The following OAS2 variants were observed in gnomAD, a reference collection of about 807,000 sequenced individuals.
OAS2 encodes the protein 2'-5'-oligoadenylate synthase 2.
Under a neutral mutation model 71.3 loss-of-function variants are expected in OAS2, and 67 were observed. The ratio of observed to expected loss-of-function variants is 0.94; its 90% CI spans 0.77 to 1.15. The LOEUF is 1.15. OAS2 is among the 50% of genes most tolerant of loss of function. The probability of loss-of-function intolerance (pLI) is 0.00; values close to 1 mark genes in which losing one functional copy is unlikely to be tolerated. For missense variants in OAS2, 789 were observed against 822.5 expected (o/e 0.96, Z 0.50); for synonymous variants, 327 against 321.8 (o/e 1.02, Z -0.17).
chr12:112,993,055 A>G (rs1220239495), intron 2 of OAS2, among the ~76,000 whole-genome samples: 1 of 152,294 alleles, frequency 6.6e-6, no homozygotes, highest in East Asian at 1.9e-4. Context: ...CCAAATTATT[A>G]TAAGCTCCTT....
intron 5 of OAS2, among the ~76,000 whole-genome samples, chr12:113,000,520 G>GCACA (rs1287346753): frequency 3.9e-5 from 4 of 103,330 alleles, no homozygotes; most frequent in Non-Finnish European, 5.8e-5. Flanking sequence ...ACACAAACAT[G>GCACA]CACACACACA....
At chr12:113,003,318 T>C (rs533594916) in intron 6 of OAS2, among the ~76,000 whole-genome samples, 1 of 152,258 alleles carries the variant, frequency 6.6e-6, no homozygotes, top group Non-Finnish European at 1.5e-5. Flanking sequence ...TTCTGTATTG[T>C]TTTTCTTGGA....
At chr12:112,994,112 C>T (rs1311731644) in intron 2 of OAS2, among the ~76,000 whole-genome samples, 1 of 152,158 alleles carries the variant, frequency 6.6e-6, no homozygotes, top group African/African-American at 2.4e-5. Flanking sequence ...CTGAAACTCA[C>T]CAGTCACTGC....
chr12:112,995,600 C>G, intron 3 of OAS2, 126 bp downstream of exon 3: 1 of 888,662 alleles, frequency 1.1e-6, no homozygotes, highest in Non-Finnish European at 1.7e-6. Context: ...TTACCAGCAA[C>G]ACCCAAATCA....
intron 3 of OAS2, among the ~76,000 whole-genome samples, chr12:112,996,834 G>T (rs2044236972): frequency 6.6e-6 from 1 of 152,124 alleles, no homozygotes; most frequent in Non-Finnish European, 1.5e-5. Flanking sequence ...GGGTGAAATG[G>T]GCGAAGCTTT....
intron 8 of OAS2, among the ~76,000 whole-genome samples, chr12:113,007,298 C>T (rs918980622): frequency 5.9e-5 from 9 of 152,162 alleles, no homozygotes; most frequent in African/African-American, 2.2e-4. Context: ...GCTGGCATGG[C>T]GTGTCAGAAG....
intron 2 of OAS2, 111 bp downstream of exon 2, chr12:112,987,419 G>T: frequency 6.7e-7 from 1 of 1,495,148 alleles, no homozygotes; most frequent in South Asian, 1.4e-5. Flanking sequence ...TTTAAAAAAT[G>T]GGAGACCATA....
chr12:113,003,712 CG>C (rs1221987662), intron 6 of OAS2, among the ~76,000 whole-genome samples: 8 of 152,316 alleles, frequency 5.3e-5, no homozygotes, highest in Admixed American at 2.6e-4. Context: ...TCAAAGGCCA[CG>C]GGGCTGACAT....
At position 113,007,799 on chromosome 12, in the gene OAS2, C is replaced by T. The variant is rs984868313; in HGVS notation, c.1751C>T (p.Pro584Leu). The change falls in exon 9 of 10, where the codon CCG becomes CTG. Residue 584 changes from proline to leucine, a missense_variant. Transcript: ENST00000392583. ...GCCTGGGAGCAGGGGAGTGGAGTGC[C>T]GGATTTTGACACTGCAGAAGGTTTC... ...IYAWEQGSGVPDFDTAEGFRT... is the reference protein window; with the variant it reads ...IYAWEQGSGVLDFDTAEGFRT... 15 of 1,613,992 alleles carry T rather than the reference C, an allele frequency of 9.3e-6. No individual in the cohort carries two copies. The highest frequency in any genetic ancestry group is 1.3e-5 in the African/African-American group (1 of 74,912).
At chr12:112,996,833 G>A (rs1292290072) in intron 3 of OAS2, among the ~76,000 whole-genome samples, 1 of 152,108 alleles carries the variant, frequency 6.6e-6, no homozygotes, top group African/African-American at 2.4e-5. Context: ...TGGGTGAAAT[G>A]GGCGAAGCTT....
chr12:112,995,240 G>C, intron 2 of OAS2, 56 bp from the exon 3 acceptor site: 1 of 1,524,986 alleles, frequency 6.6e-7, no homozygotes, highest in Non-Finnish European at 8.9e-7. Flanking sequence ...AGCAACCCTG[G>C]CTCTCTAAAA....
intron 8 of OAS2, 111 bp from the exon 9 acceptor site, chr12:113,007,594 G>A (rs888485586): frequency 2.4e-6 from 2 of 838,150 alleles, no homozygotes; most frequent in African/African-American, 3.4e-5. Context: ...GCTGCAGAGT[G>A]TGAGCACACC....
intron 2 of OAS2, among the ~76,000 whole-genome samples, chr12:112,992,176 C>T (rs1255104162): frequency 6.6e-6 from 1 of 152,054 alleles, no homozygotes. Context: ...AAGAGGATTA[C>T]TTGAGGCCAG....
At chr12:113,006,664 G>A (rs536433008) in intron 8 of OAS2, 64 bp downstream of exon 8, 1 of 1,369,608 alleles carries the variant, frequency 7.3e-7, no homozygotes, top group South Asian at 1.7e-5. Context: ...TGAACATTAA[G>A]CCCTGTTGCC....
intron 7 of OAS2, among the ~76,000 whole-genome samples, chr12:113,006,139 G>A (rs1300784586): frequency 1.3e-5 from 2 of 152,220 alleles, no homozygotes; most frequent in South Asian, 2.1e-4. Flanking sequence ...TTTAATGAAT[G>A]TGAGTGCAAA....
intron 7 of OAS2, among the ~76,000 whole-genome samples, chr12:113,005,825 A>C (rs2044327260): frequency 6.8e-6 from 1 of 146,630 alleles, no homozygotes; most frequent in Non-Finnish European, 1.5e-5. Context: ...CAGGAGATGG[A>C]GGCTGCAGTG....
intron 1 of OAS2, among the ~76,000 whole-genome samples, chr12:112,984,394 C>G (rs1215477934): frequency 6.6e-6 from 1 of 152,188 alleles, no homozygotes; most frequent in Non-Finnish European, 1.5e-5. Flanking sequence ...TACTCCTGCA[C>G]ACTTTTGGTT....
chr12:113,000,191 G>A (rs558802704), intron 5 of OAS2, among the ~76,000 whole-genome samples: 53 of 152,246 alleles, frequency 3.5e-4, no homozygotes, highest in Non-Finnish European at 4.6e-4. Context: ...AGGAGACTAG[G>A]AGTCATATAT....
rs1415628437 is a variant in OAS2 at position 113,009,830 on chromosome 12, G to A, written c.*575G>A. The A allele has an allele frequency of 1.0e-6, 1 of 986,508 alleles. No individual in the cohort carries two copies. The highest frequency in any genetic ancestry group is 1.2e-6 in the Non-Finnish European group (1 of 830,902). 61.1% of individuals were successfully genotyped at this position (986,508 alleles called of 1,614,324 possible). A position where few individuals can be genotyped will look rare whatever the true frequency, so the allele number is the denominator to read the frequency against. On this transcript the variant is annotated 3_prime_UTR_variant, in exon 10 of 10. Transcript: ENST00000392583. ...GACGTGGGTTGCACTGGCCACCCAA[G>A]GATGTCTGCCACACCTCTCCAAAGC...
Sources: allele counts gnomAD v4.1 joint callset (sites outside exome capture counted in the v4.1 genomes callset), GRCh38; gene constraint gnomAD v4.1.1; transcripts MANE v1.5; gene names NCBI Gene and HGNC (gene_info 2026-07-23, HGNC 2026-07-21).